Variants in NUP210 observed in about 807,000 individuals in gnomAD.
NUP210 encodes nuclear pore membrane glycoprotein 210.
In NUP210, 151 loss-of-function variants were observed where a neutral mutation model predicts 196.0. That is an observed-to-expected ratio of 0.77 (90% CI 0.67 to 0.88). NUP210 has a LOEUF of 0.88. NUP210 is among the 40% of genes least tolerant of loss of function. The probability of loss-of-function intolerance (pLI) is 0.00; values close to 1 mark genes in which losing one functional copy is unlikely to be tolerated. For missense variants in NUP210, 2,314 were observed against 2,493.7 expected (o/e 0.93, Z 1.53); for synonymous variants, 1,070 against 1,052.7 (o/e 1.02, Z -0.32).
At chr3:13,391,943 A>C (rs1241864072) in intron 3 of NUP210, among the ~76,000 whole-genome samples, 2 of 151,878 alleles carry the variant, frequency 1.3e-5, no homozygotes, top group East Asian at 3.9e-4. Context: ...TGCCACATGC[A>C]AGTCTAGTTC....
At position 13,327,400 on chromosome 3, in the gene NUP210, T is replaced by C; in HGVS notation, c.4324A>G (p.Asn1442Asp). The change falls in exon 32 of 40, where the codon AAC (asparagine) becomes GAC (aspartate). Residue 1442 changes from asparagine to aspartate, a missense_variant. Physicochemically the swap from Asn to Asp is conservative, Grantham distance 23. Coordinates refer to ENST00000254508, the MANE Select transcript of NUP210 (RefSeq NM_024923.4). ...CTGACTGTGCGGACAACGCAGGTGT[T>C]GTTGGTGGGGCCCTTCCCGATCTGC... ...FVQIGKGPTN[N>D]TCVVRTVSVG... 1 of 1,613,148 alleles carries C rather than the reference T, an allele frequency of 6.2e-7. No individual in the cohort carries two copies. Among genetic ancestry groups the C allele is most frequent in the Non-Finnish European group, 8.5e-7 (1 of 1,179,808 alleles).
chr3:13,333,601 T>C (rs1351365159), intron 28 of NUP210, among the ~76,000 whole-genome samples: 2 of 152,156 alleles, frequency 1.3e-5, no homozygotes, highest in African/African-American at 4.8e-5. Flanking sequence ...GTGGGCTCCA[T>C]ATGAGGTGAC....
intron 23 of NUP210, 99 bp downstream of exon 23, chr3:13,341,649 A>C: frequency 7.3e-7 from 1 of 1,362,052 alleles, no homozygotes; most frequent in Non-Finnish European, 1.0e-6. Context: ...AGATTTTTAT[A>C]TGGCTTCTCT....
rs1161938610 is a variant in NUP210 at position 13,350,316 on chromosome 3, C to T, written c.2835+1563G>A. On this transcript the variant is annotated intron_variant, in intron 20 of 39. Transcript: ENST00000254508. This position sits in a 1 kb window ranked among gnomAD's most constrained non-coding sequence, Gnocchi z 4.1. ...TTCAGCAAAATAACAAGGCCAGTCA[C>T]TAAAGAAGTAAACAAGCAAATAATA... 6.6e-6 allele frequency among the ~76,000 whole-genome samples: 1 copy of T among 151,980 alleles called. No individual in the cohort carries two copies. The highest frequency in any genetic ancestry group is 1.5e-5 in the Non-Finnish European group (1 of 68,018).
Position 13,339,981 on chromosome 3 carries a change from C to T in NUP210, c.3344G>A (p.Ser1115Asn). 6.2e-7 allele frequency: 1 copy of T among 1,614,090 alleles called. No homozygotes were observed. The highest frequency in any genetic ancestry group is 8.5e-7 in the Non-Finnish European group (1 of 1,180,052). Residue 1115 changes from serine (S) to asparagine (N), a missense_variant, in exon 25 of 40, where the codon AGC becomes AAC. Coordinates refer to ENST00000254508, the MANE Select transcript of NUP210 (RefSeq NM_024923.4). ...GCTCACCAGCGCAACGCTCTCATTG[C>T]TGATGGAGAAAAGGATGTTGGACTG... is the stretch of plus-strand genomic sequence containing the variant. Reference protein sequence around the residue: ...QPQSNILFSISNESVALVSAA... With the variant: ...QPQSNILFSINNESVALVSAA...
intron 12 of NUP210, among the ~76,000 whole-genome samples, chr3:13,372,260 TG>T (rs1559333657): frequency 1.3e-5 from 2 of 152,116 alleles, no homozygotes; most frequent in South Asian, 4.1e-4. Flanking sequence ...AGGCAAAGCC[TG>T]GGGGAAGAAC....
At chr3:13,338,286 AGCCT>A in intron 25 of NUP210, among the ~76,000 whole-genome samples, 1 of 152,298 alleles carries the variant, frequency 6.6e-6, no homozygotes, top group East Asian at 1.9e-4. Context: ...CCCCAAATCC[AGCCT>A]GCCTGTCTCT....
chr3:13,388,843 G>A (rs768634324), intron 4 of NUP210, among the ~76,000 whole-genome samples: 1 of 152,250 alleles, frequency 6.6e-6, no homozygotes, highest in South Asian at 2.1e-4. Flanking sequence ...AGGGCCAGCA[G>A]CACCCTCACC....
At chr3:13,371,356 G>A (rs1576392700) in intron 13 of NUP210, among the ~76,000 whole-genome samples, 1 of 152,184 alleles carries the variant, frequency 6.6e-6, no homozygotes, top group East Asian at 1.9e-4. Flanking sequence ...GGCATGCAAA[G>A]TGCCTGTCCT....
rs902052503 is a variant in NUP210 at position 13,317,619 on chromosome 3, G to T, written c.*62C>A. ...GTTCCAGTGTGAATGCAGCAGGGAT[G>T]TTCCATCTTGGGGGTGCACGAGGCT... On this transcript the variant is annotated 3_prime_UTR_variant, in exon 40 of 40. Transcript: ENST00000254508. 60 of 1,220,690 alleles carry T rather than the reference G, an allele frequency of 4.9e-5. No individual in the cohort carries two copies. Among genetic ancestry groups the T allele is most frequent in the Non-Finnish European group, 6.5e-5 (55 of 847,660 alleles). 75.6% of individuals were successfully genotyped at this position (1,220,690 alleles called of 1,614,324 possible). A position where few individuals can be genotyped will look rare whatever the true frequency, so the allele number is the denominator to read the frequency against.
At chr3:13,334,053 T>C (rs1400684613) in intron 28 of NUP210, among the ~76,000 whole-genome samples, 2 of 152,226 alleles carry the variant, frequency 1.3e-5, no homozygotes, top group Non-Finnish European at 2.9e-5. Context: ...ACCATATCTT[T>C]AGGACATGCT....
intron 26 of NUP210, 44 bp from the exon 27 acceptor site, chr3:13,336,962 C>T (rs1697241959): frequency 1.2e-6 from 2 of 1,609,438 alleles, no homozygotes; most frequent in Non-Finnish European, 8.5e-7. Flanking sequence ...GCTCCCAGCA[C>T]TGGGAATGCC....
chr3:13,389,803 A>T (rs1230465562), intron 4 of NUP210, among the ~76,000 whole-genome samples: 1 of 152,236 alleles, frequency 6.6e-6, no homozygotes, highest in Non-Finnish European at 1.5e-5. Flanking sequence ...ATAATTATAT[A>T]GGGGTGAGAA....
In NUP210 at chr3:13,399,804, C is replaced by G; in HGVS notation, c.225G>C (p.Gln75His). ...CCTGCACCACTGCCTTCTGGGAGCA[C>G]TGCTGCTCGTCCAGGCCCAGCGGCT... Reference protein sequence around the residue: ...SIEPLGLDEQQCSQKAVVQAR... With the variant: ...SIEPLGLDEQHCSQKAVVQAR... The change falls in exon 2 of 40, where the codon CAG (glutamine) becomes CAC (histidine). Residue 75 changes from glutamine (Q) to histidine (H), a missense_variant. Gln to His is a conservative substitution (Grantham distance 24). Transcript: ENST00000254508. 6.2e-7 allele frequency: 1 copy of G among 1,613,694 alleles called. No individual in the cohort carries two copies. The highest frequency in any genetic ancestry group is 1.1e-5 in the South Asian group (1 of 91,038).
intron 4 of NUP210, among the ~76,000 whole-genome samples, chr3:13,389,148 T>G (rs988451063): frequency 6.6e-6 from 1 of 152,328 alleles, no homozygotes; most frequent in South Asian, 2.1e-4. Flanking sequence ...GCACTGTGAT[T>G]TATTTCCTCG....
intron 35 of NUP210, 35 bp downstream of exon 35, chr3:13,322,158 C>G: frequency 6.2e-7 from 1 of 1,611,594 alleles, no homozygotes; most frequent in Non-Finnish European, 8.5e-7. Flanking sequence ...GAGACTGTCT[C>G]CAAGTCCCTT....
At chr3:13,321,300 G>A (rs976118293) in intron 36 of NUP210, among the ~76,000 whole-genome samples, 1 of 152,180 alleles carries the variant, frequency 6.6e-6, no homozygotes, top group Non-Finnish European at 1.5e-5. Flanking sequence ...CGCACCACAC[G>A]CTCACTGGCA....
Position 13,387,552 on chromosome 3 carries a change from A to G in NUP210, c.684+751T>C, listed in dbSNP as rs1699315931. Among the ~76,000 whole-genome samples, 5 of 152,348 alleles carry G rather than the reference A, an allele frequency of 3.3e-5. No homozygotes were observed. In the South Asian group the frequency reaches 1.0e-3, roughly 32 times the overall value. On this transcript the variant is annotated intron_variant, in intron 5 of 39. Transcript: ENST00000254508. ...CCCAGATGCAGCAAACCCACTACAG[A>G]GAGTGAATCAGAAGAGGATTTCTCC...
Position 13,402,958 on chromosome 3 carries a change from T to C in NUP210, c.168-3097A>G, listed in dbSNP as rs967715918. 2.3e-5 allele frequency among the ~76,000 whole-genome samples: 3 copies of C among 127,904 alleles called. No individual in the cohort carries two copies. In the East Asian group the frequency reaches 6.8e-4, roughly 29 times the overall value. 83.9% of individuals were successfully genotyped at this position (127,904 alleles called of 152,430 possible). A position where few individuals can be genotyped will look rare whatever the true frequency, so the allele number is the denominator to read the frequency against. ...GGTGCACAGTCGGCATCCCATGTCC[T>C]GTAAGTTTGGACAGATGGATAACAG... On this transcript the variant is annotated intron_variant, in intron 1 of 39. Transcript: ENST00000254508.
Sources: allele counts gnomAD v4.1 joint callset (sites outside exome capture counted in the v4.1 genomes callset), GRCh38; gene constraint gnomAD v4.1.1; non-coding constraint Gnocchi (gnomAD v3.1); transcripts MANE v1.5; gene names NCBI Gene and HGNC (gene_info 2026-07-23, HGNC 2026-07-21).